Variants in SH3GL1 observed in about 807,000 individuals in gnomAD.
The protein encoded by SH3GL1 is SH3 domain containing GRB2 like 1, endophilin A2, also known as endophilin-A2.
Under a neutral mutation model 48.8 loss-of-function variants are expected in SH3GL1, and 21 were observed. The ratio of observed to expected loss-of-function variants is 0.43; its 90% CI spans 0.30 to 0.62. The LOEUF is 0.62. SH3GL1 is among the 20% of genes least tolerant of loss of function. The pLI is 0.11. For synonymous variants in SH3GL1, 282 were observed against 217.5 expected (o/e 1.30, Z -2.61); for missense variants, 454 against 503.0 (o/e 0.90, Z 0.93).
chr19:4,366,523 G>A lies in SH3GL1; in HGVS notation c.165C>T (p.Ile55=), dbSNP rs752108656. ...CACCTGGGTTGGGCTGCAGGTACTC[G>A]ATGGTCCTGGCCAGCACTTCTGTCA... is the stretch of plus-strand genomic sequence containing the variant. ...KAVTEVLART[I]EYLQPNPASR... The change falls in exon 3 of 10, where the codon ATC becomes ATT. Residue 55 remains isoleucine, a synonymous_variant. Coordinates refer to ENST00000269886, the MANE Select transcript of SH3GL1 (RefSeq NM_003025.4). 1.6e-5 allele frequency: 25 copies of A among 1,611,228 alleles called. 1 individual carries two copies. The highest frequency in any genetic ancestry group is 1.4e-4 in the South Asian group (13 of 90,768).
chr19:4,395,487 T>C (rs1350347149), intron 1 of SH3GL1: 2 of 152,212 alleles, frequency 1.3e-5, no homozygotes, highest in Admixed American at 6.5e-5. Flanking sequence ...GGAAATTCCA[T>C]AGAGACTACA....
Position 4,382,805 on chromosome 19 carries a change from CAG to C in SH3GL1, c.46-15813_46-15812del, listed in dbSNP as rs1243450142. 1.2e-4 allele frequency among the ~76,000 whole-genome samples: 19 copies of C among 152,294 alleles called. No individual in the cohort carries two copies. In the East Asian group the frequency reaches 3.5e-3, roughly 28 times the overall value. ...CTGTTCTAGAAAGCTACCTCAAGCA[CAG>C]AGTTGGCCAGTACTGAGCCACTGTT... On this transcript the variant is annotated intron_variant, in intron 1 of 9. Coordinates refer to ENST00000269886, the MANE Select transcript of SH3GL1 (RefSeq NM_003025.4).
Position 4,385,421 on chromosome 19 carries a change from A to C in SH3GL1, c.45+14903T>G, listed in dbSNP as rs540164928. On this transcript the variant is annotated intron_variant, in intron 1 of 9. Coordinates refer to ENST00000269886, the MANE Select transcript of SH3GL1 (RefSeq NM_003025.4). Reference sequence around the variant, plus strand: ...CAGGGAATGTGTTCTGAATGCAGTAAGAGGCAACCTCTCCTGGAAGGAGGG... The same window carrying C: ...CAGGGAATGTGTTCTGAATGCAGTACGAGGCAACCTCTCCTGGAAGGAGGG... Among the ~76,000 whole-genome samples, 4 of 152,320 alleles carry C rather than the reference A, an allele frequency of 2.6e-5. No individual in the cohort carries two copies. In the East Asian group the frequency reaches 7.7e-4, roughly 29 times the overall value.
chr19:4,374,955 C>A (rs913122113), intron 1 of SH3GL1, among the ~76,000 whole-genome samples: 1 of 152,210 alleles, frequency 6.6e-6, no homozygotes, highest in Admixed American at 6.5e-5. Flanking sequence ...GCTGTCCCAG[C>A]ACATGGTGGC....
chr19:4,364,167 TCCTTCACCTCTG>T lies in SH3GL1; in HGVS notation c.374_385del (p.Ala125_Lys128del). 6.2e-7 allele frequency: 1 copy of T among 1,613,818 alleles called. No individual in the cohort carries two copies. Among genetic ancestry groups the T allele is most frequent in the Non-Finnish European group, 8.5e-7 (1 of 1,179,970 alleles). On this transcript the variant is annotated inframe_deletion, in exon 5 of 10. Transcript: ENST00000269886. ...CTGCTTGACCTCGATGTCCAGGGAG[TCCTTCACCTCTG>T]CCAGGCGCTTCATGGACTCGCCGGC...
chr19:4,362,379 G>A lies in SH3GL1; in HGVS notation c.860C>T (p.Ser287Leu), dbSNP rs141729110. 283 of 1,611,442 alleles carry A rather than the reference G, an allele frequency of 1.8e-4. 1 individual carries two copies. Among genetic ancestry groups the A allele is most frequent in the South Asian group, 1.4e-3 (124 of 90,540 alleles). ...GGGCTTGTCGGAAGATCGGAAAGACGATGAAGCTAAACACAAGCAAAACGA... is the reference window on the plus strand; with the variant it reads ...GGGCTTGTCGGAAGATCGGAAAGACAATGAAGCTAAACACAAGCAAAACGA... The part of the protein sequence containing the change: ...CTTAPKIAAS[S>L]SFRSSDKPIR... The change falls in exon 9 of 10, where the codon TCG (serine) becomes TTG (leucine). Residue 287 changes from serine to leucine, a missense_variant. This residue lies in a region of SH3GL1 where 278 missense variants were observed against 246.8 expected (regional missense o/e 1.13). Coordinates refer to ENST00000269886, the MANE Select transcript of SH3GL1 (RefSeq NM_003025.4).
chr19:4,390,562 G>C (rs1973318900), intron 1 of SH3GL1: 1 of 152,038 alleles, frequency 6.6e-6, no homozygotes, highest in African/African-American at 2.4e-5. Context: ...AGGGAGAGAG[G>C]GAAACCCGCT....
intron 2 of SH3GL1, 91 bp downstream of exon 2, chr19:4,366,835 G>T: frequency 1.5e-6 from 2 of 1,299,442 alleles, no homozygotes; most frequent in Non-Finnish European, 2.2e-6. Flanking sequence ...CCAGACCCAG[G>T]CCCATCAAGG....
chr19:4,379,240 G>A (rs1432356852), intron 1 of SH3GL1, among the ~76,000 whole-genome samples: 1 of 151,726 alleles, frequency 6.6e-6, no homozygotes, highest in Non-Finnish European at 1.5e-5. Context: ...GATCACCTGA[G>A]ATTGGGAGTT....
At chr19:4,393,026 G>C (rs1307208815) in intron 1 of SH3GL1, among the ~76,000 whole-genome samples, 1 of 152,152 alleles carries the variant, frequency 6.6e-6, no homozygotes, top group Admixed American at 6.5e-5. Flanking sequence ...GAGAGGCTGA[G>C]GCAGGAGGAT....
At position 4,400,381 on chromosome 19, in the gene SH3GL1, C is replaced by T. The variant is rs537068947; in HGVS notation, c.-13G>A. On this transcript the variant is annotated 5_prime_UTR_variant, in exon 1 of 10. Coordinates refer to ENST00000269886, the MANE Select transcript of SH3GL1 (RefSeq NM_003025.4). This position sits in a 1 kb window ranked among gnomAD's most constrained non-coding sequence, Gnocchi z 4.1. ...CCGCCACCGACATGCTGCCGCCCGC[C>T]GCCGAGCCTCCCGCCCGGACCGCGC... 29 of 1,585,240 alleles carry T rather than the reference C, an allele frequency of 1.8e-5. No homozygotes were observed. The African/African-American group carries it at 3.8e-4, about 21-fold the overall frequency.
At chr19:4,363,513 ACT>A (rs752684335) in intron 6 of SH3GL1, 40 bp from the exon 7 acceptor site, 2 of 1,570,438 alleles carry the variant, frequency 1.3e-6, no homozygotes, top group Non-Finnish European at 1.7e-6. Context: ...TGCCAGTGCC[ACT>A]GTCCTGTGCC....
intron 4 of SH3GL1, 198 bp from the exon 5 acceptor site, chr19:4,364,419 A>AC (rs1408822755): frequency 4.9e-6 from 3 of 613,222 alleles, no homozygotes; most frequent in Non-Finnish European, 5.7e-6. Flanking sequence ...ACAGGCGTTC[A>AC]CCCCCACACC....
intron 1 of SH3GL1, among the ~76,000 whole-genome samples, chr19:4,397,909 C>T (rs547870967): frequency 2.0e-5 from 3 of 152,234 alleles, no homozygotes; most frequent in East Asian, 3.9e-4. Context: ...TGCAGTGGCA[C>T]GATCATAGTT....
intron 3 of SH3GL1, among the ~76,000 whole-genome samples, chr19:4,366,217 G>A (rs895727277): frequency 2.0e-5 from 3 of 152,228 alleles, no homozygotes; most frequent in Admixed American, 2.0e-4. Flanking sequence ...CAAGTAAGCT[G>A]GGGGAGAGGC....
intron 1 of SH3GL1, among the ~76,000 whole-genome samples, chr19:4,388,178 G>C (rs1292856094): frequency 6.6e-6 from 1 of 152,066 alleles, no homozygotes; most frequent in Non-Finnish European, 1.5e-5. Context: ...TACTGTTATT[G>C]AGCAAGGAAA....
intron 1 of SH3GL1, among the ~76,000 whole-genome samples, chr19:4,382,248 GCTTT>G (rs1431480815): frequency 1.7e-4 from 24 of 137,350 alleles, no homozygotes; most frequent in African/African-American, 4.2e-4. Context: ...AAGGTGCTCC[GCTTT>G]CTTTTTTTTT....
rs1462847729 is a variant in SH3GL1, at chr19:4,367,048, G to C, written c.46-54C>G. The C allele has an allele frequency of 7.1e-6, 11 of 1,546,736 alleles. No homozygotes were observed. Among genetic ancestry groups the C allele is most frequent in the African/African-American group, 5.4e-5 (4 of 73,608 alleles). On this transcript the variant is annotated intron_variant, in intron 1 of 9. Transcript: ENST00000269886. This position sits in a 1 kb window ranked among gnomAD's most constrained non-coding sequence, Gnocchi z 4.2. ...GAGCCCAGGGGTAGGAGGAAGAAGA[G>C]GACAGGAGGCCCTGAGCCGCCTTCC...
rs772461208 is a variant in SH3GL1, at chr19:4,367,916, C to A, written c.46-922G>T. ...GAGGATGGACAGTGTGAGGCCCTTC[C>A]CAGCACACAGCGCTTCATGAAGAGC... On this transcript the variant is annotated intron_variant, in intron 1 of 9. Transcript: ENST00000269886. The surrounding 1 kb of genome is among the most constrained non-coding windows in gnomAD (Gnocchi z 4.2). Among the ~76,000 whole-genome samples, 1 of 152,104 alleles carries A rather than the reference C, an allele frequency of 6.6e-6. No individual in the cohort carries two copies. The highest frequency in any genetic ancestry group is 1.5e-5 in the Non-Finnish European group (1 of 68,010).
Sources: allele counts gnomAD v4.1 joint callset (sites outside exome capture counted in the v4.1 genomes callset), GRCh38; gene constraint gnomAD v4.1.1; regional missense constraint gnomAD v4.1.1; non-coding constraint Gnocchi (gnomAD v3.1); transcripts MANE v1.5; gene names NCBI Gene and HGNC (gene_info 2026-07-23, HGNC 2026-07-21).